Variants in LDAH observed in about 807,000 individuals in gnomAD.
LDAH encodes lipid droplet-associated hydrolase.
A neutral mutation model predicts 29.6 loss-of-function variants in LDAH; 26 were observed. That is an observed-to-expected ratio of 0.88 (90% CI 0.64 to 1.22). The LOEUF (loss-of-function observed/expected upper bound fraction) is 1.22, where lower values mean the gene tolerates loss of function less well. Ranked by LOEUF, LDAH falls within the 50% of genes most tolerant of loss-of-function variation. The pLI, the probability that LDAH is intolerant of heterozygous loss-of-function variation, is 0.00. For missense variants in LDAH, 344 were observed against 387.3 expected, an observed-to-expected ratio of 0.89 and a Z score of 0.94; for synonymous variants, 117 against 133.0, an observed-to-expected ratio of 0.88 and a Z score of 0.83.
chr2:20,698,676 T>C lies in LDAH; in HGVS notation c.786+2894A>G, dbSNP rs994810844. Among the ~76,000 whole-genome samples the C allele has an allele frequency of 2.6e-5, 4 of 151,876 alleles. No homozygotes were observed. Among genetic ancestry groups the C allele is most frequent in the Middle Eastern group, 3.4e-3 (1 of 292 alleles). Reference sequence around the variant, plus strand: ...GCCTGGGCGACAGTGCAAGACTCTGTCTCAAAAAAACAAAAAAAGGAAAAA... The same window carrying C: ...GCCTGGGCGACAGTGCAAGACTCTGCCTCAAAAAAACAAAAAAAGGAAAAA... On this transcript the variant is annotated intron_variant, in intron 6 of 6. Transcript: ENST00000237822. This position sits in a 1 kb window ranked among gnomAD's most constrained non-coding sequence, Gnocchi z 4.4.
chr2:20,738,052 G>T (rs911849745), intron 5 of LDAH, among the ~76,000 whole-genome samples: 3 of 151,706 alleles, frequency 2.0e-5, no homozygotes, highest in Admixed American at 1.3e-4. Flanking sequence ...AGGAGTTTGA[G>T]ACCAGCCTGG....
intron 3 of LDAH, among the ~76,000 whole-genome samples, chr2:20,784,757 C>A (rs1290552031): frequency 6.6e-6 from 1 of 151,892 alleles, no homozygotes. Flanking sequence ...TGTAGTGGCA[C>A]ACGTCTGTAG....
chr2:20,810,310 T>C (rs1348050390), intron 1 of LDAH, among the ~76,000 whole-genome samples: 1 of 152,204 alleles, frequency 6.6e-6, no homozygotes, highest in Non-Finnish European at 1.5e-5. Flanking sequence ...TACTTAAGCT[T>C]CTTCAGAAAA....
chr2:20,727,830 T>C (rs4971544), intron 5 of LDAH, among the ~76,000 whole-genome samples: 38,998 of 152,066 alleles, frequency 0.26, 5,359 homozygotes, highest in East Asian at 0.36. Context: ...ACATTTAAAA[T>C]AACCTAGTTA....
Position 20,819,747 on chromosome 2 carries a change from T to G in LDAH, c.-3+3290A>C, listed in dbSNP as rs559504157. ...CTCACCACTCCTATTCAACATAGTG[T>G]TGGAAGTTCTGGCCAGGGCAATTAG... On this transcript the variant is annotated intron_variant, in intron 1 of 6. Transcript: ENST00000237822. 8.5e-3 allele frequency among the ~76,000 whole-genome samples: 1,290 copies of G among 152,254 alleles called. 11 individuals are homozygous for G. Among genetic ancestry groups the G allele is most frequent in the African/African-American group, 0.028 (1,170 of 41,532 alleles).
chr2:20,689,502 C>T (rs1662833577), intron 6 of LDAH, among the ~76,000 whole-genome samples: 1 of 152,204 alleles, frequency 6.6e-6, no homozygotes, highest in African/African-American at 2.4e-5. Context: ...CAGTGGGAGA[C>T]TATTCTTTCC....
intron 5 of LDAH, among the ~76,000 whole-genome samples, chr2:20,709,905 G>C (rs62123969): frequency 0.24 from 36,817 of 152,030 alleles, 4,950 homozygotes; most frequent in East Asian, 0.36. Flanking sequence ...CACACTCCAA[G>C]ATATCAGACT....
Position 20,685,418 on chromosome 2 carries a change from A to G in LDAH, c.*1485T>C, listed in dbSNP as rs1662487770. On this transcript the variant is annotated 3_prime_UTR_variant, in exon 7 of 7. Coordinates refer to ENST00000237822, the MANE Select transcript of LDAH (RefSeq NM_021925.4). ...GTGTACAGCCCTGTGCTTACGGCCTATGTATCTATTAGCTCTTCCCCTTGG... is the reference window on the plus strand; with the variant it reads ...GTGTACAGCCCTGTGCTTACGGCCTGTGTATCTATTAGCTCTTCCCCTTGG... The G allele has an allele frequency of 8.4e-7, 1 of 1,186,574 alleles. No homozygotes were observed. Among genetic ancestry groups the G allele is most frequent in the African/African-American group, 1.5e-5 (1 of 64,880 alleles). The allele number at this position is 1,186,574 out of a possible 1,614,324, so 73.5% of individuals were successfully genotyped here.
At chr2:20,766,845 G>T (rs985834799) in intron 4 of LDAH, among the ~76,000 whole-genome samples, 4 of 152,214 alleles carry the variant, frequency 2.6e-5, no homozygotes, top group Non-Finnish European at 5.9e-5. Flanking sequence ...ACGTCCTTGA[G>T]GCAGCTGACT....
At chr2:20,718,292 C>T (rs976489850) in intron 5 of LDAH, among the ~76,000 whole-genome samples, 2 of 151,932 alleles carry the variant, frequency 1.3e-5, no homozygotes, top group Non-Finnish European at 2.9e-5. Context: ...TAAAGATACC[C>T]ATAGAGTAAA....
chr2:20,706,183 A>G (rs920365125), intron 5 of LDAH, among the ~76,000 whole-genome samples: 1 of 152,246 alleles, frequency 6.6e-6, no homozygotes, highest in Non-Finnish European at 1.5e-5. Flanking sequence ...GGAGAAGGTG[A>G]AGGAATGAAA....
At chr2:20,772,677 C>T (rs1048482925) in intron 4 of LDAH, among the ~76,000 whole-genome samples, 3 of 152,318 alleles carry the variant, frequency 2.0e-5, no homozygotes, top group African/African-American at 7.2e-5. Context: ...AACTGGGTTA[C>T]AGCCTGTGAT....
At chr2:20,776,841 G>A (rs748582450) in intron 3 of LDAH, among the ~76,000 whole-genome samples, 79 of 152,130 alleles carry the variant, frequency 5.2e-4, no homozygotes, top group Admixed American at 1.2e-3. Context: ...TTCAAAATAT[G>A]CAGCATTTGG....
intron 4 of LDAH, among the ~76,000 whole-genome samples, chr2:20,758,218 T>C (rs146059426): frequency 2.7e-3 from 415 of 152,348 alleles, no homozygotes; most frequent in African/African-American, 9.4e-3. Flanking sequence ...TCTGAACTTT[T>C]ATAAAAGTAA....
intron 4 of LDAH, among the ~76,000 whole-genome samples, chr2:20,756,277 C>T (rs1408028948): frequency 6.6e-6 from 1 of 152,076 alleles, no homozygotes; most frequent in Non-Finnish European, 1.5e-5. Flanking sequence ...TCAGGTGATC[C>T]ACCCACCTCG....
chr2:20,822,269 C>A (rs1348606806), intron 1 of LDAH, among the ~76,000 whole-genome samples: 1 of 152,100 alleles, frequency 6.6e-6, no homozygotes, highest in African/African-American at 2.4e-5. Flanking sequence ...GGACTACAGG[C>A]GCCCGCCACC....
At chr2:20,733,648 C>A (rs1666576120) in intron 5 of LDAH, among the ~76,000 whole-genome samples, 1 of 151,912 alleles carries the variant, frequency 6.6e-6, no homozygotes, top group African/African-American at 2.4e-5. Context: ...AAGTGATCTG[C>A]CTACCTTAGC....
chr2:20,774,270 T>A (rs1462048658), intron 4 of LDAH, among the ~76,000 whole-genome samples: 1 of 152,180 alleles, frequency 6.6e-6, no homozygotes, highest in Non-Finnish European at 1.5e-5. Flanking sequence ...CACAGTGGTA[T>A]CCAACAAATA....
At position 20,686,892 on chromosome 2, in the gene LDAH, C is replaced by T. The variant is rs773368292; in HGVS notation, c.*11G>A. The T allele has an allele frequency of 2.1e-5, 33 of 1,609,072 alleles. No individual in the cohort carries two copies. Among genetic ancestry groups the T allele is most frequent in the Non-Finnish European group, 2.7e-5 (32 of 1,177,014 alleles). Reference sequence around the variant, plus strand: ...ATGTACTGGCAGTGGGGGCTTGTTCCTCAGGCCAATTTACATTTTGGACAA... The same window carrying T: ...ATGTACTGGCAGTGGGGGCTTGTTCTTCAGGCCAATTTACATTTTGGACAA... On this transcript the variant is annotated 3_prime_UTR_variant, in exon 7 of 7. Coordinates refer to ENST00000237822, the MANE Select transcript of LDAH (RefSeq NM_021925.4).
Sources: gnomAD v4.1 joint callset for allele counts (sites outside exome capture counted in the v4.1 genomes callset) on GRCh38, gnomAD v4.1.1 for gene constraint, Gnocchi (gnomAD v3.1) non-coding constraint, MANE v1.5 for transcripts, NCBI Gene and HGNC (gene_info 2026-07-23, HGNC 2026-07-21) for gene names.